The following GMDS variants were observed in gnomAD, a reference collection of about 807,000 sequenced individuals.
The protein encoded by GMDS is GDP-mannose 4,6 dehydratase.
GMDS carries 20 observed loss-of-function variants against 49.9 expected under a neutral mutation model. The ratio of observed to expected loss-of-function variants is 0.40; its 90% CI spans 0.28 to 0.58. The LOEUF is 0.58. GMDS is among the 20% of genes least tolerant of loss of function. GMDS has a pLI of 0.42. For missense variants in GMDS, 362 were observed against 481.4 expected, an observed-to-expected ratio of 0.75 and a Z score of 2.32; for synonymous variants, 177 against 178.6, an observed-to-expected ratio of 0.99 and a Z score of 0.07.
chr6:2,031,312 CTCAT>C, intron 4 of GMDS, among the ~76,000 whole-genome samples: 1 of 152,280 alleles, frequency 6.6e-6, no homozygotes, highest in Middle Eastern at 3.4e-3. Context: ...TGGAAATTCA[CTCAT>C]TCAATCAGTT....
intron 1 of GMDS, among the ~76,000 whole-genome samples, chr6:2,167,828 G>GTA (rs1418698108): frequency 2.0e-5 from 3 of 151,954 alleles, no homozygotes; most frequent in African/African-American, 7.3e-5. Flanking sequence ...CCACTAAATC[G>GTA]TATATATATA....
At chr6:2,023,235 C>G (rs1051494165) in intron 4 of GMDS, among the ~76,000 whole-genome samples, 4 of 152,210 alleles carry the variant, frequency 2.6e-5, no homozygotes, top group African/African-American at 9.6e-5. Context: ...TCAAATTAAA[C>G]TTATTTATAG....
intron 1 of GMDS, among the ~76,000 whole-genome samples, chr6:2,169,889 G>T (rs1439625094): frequency 6.6e-6 from 1 of 151,936 alleles, no homozygotes; most frequent in Non-Finnish European, 1.5e-5. Context: ...GATTCAGAAG[G>T]TGCTATCTGG....
intron 1 of GMDS, among the ~76,000 whole-genome samples, chr6:2,209,628 G>C (rs955304125): frequency 6.8e-6 from 1 of 147,774 alleles, no homozygotes; most frequent in African/African-American, 2.5e-5. Flanking sequence ...CTCTCTCTCT[G>C]GACTGAATTC....
chr6:1,753,010 A>C (rs574590811), intron 7 of GMDS, among the ~76,000 whole-genome samples: 1 of 152,364 alleles, frequency 6.6e-6, no homozygotes, highest in Admixed American at 6.5e-5. Flanking sequence ...CATCATAATG[A>C]CAGGATCAAA....
chr6:2,209,225 C>CT (rs1257778481), intron 1 of GMDS, among the ~76,000 whole-genome samples: 1 of 152,172 alleles, frequency 6.6e-6, no homozygotes, highest in African/African-American at 2.4e-5. Context: ...CCAAAATACA[C>CT]TTGGTTGAAA....
chr6:1,682,560 A>ATT (rs1199208514), intron 9 of GMDS, among the ~76,000 whole-genome samples: 4 of 24,312 alleles, frequency 1.6e-4, no homozygotes, highest in Non-Finnish European at 4.1e-4. Flanking sequence ...ATGGCCTTTC[A>ATT]TTTTTTTTTT....
chr6:2,088,923 A>G (rs1562043935), intron 4 of GMDS, among the ~76,000 whole-genome samples: 1 of 152,208 alleles, frequency 6.6e-6, no homozygotes, highest in Non-Finnish European at 1.5e-5. Flanking sequence ...TAGAGGCAAC[A>G]TGTGCCAAGG....
At chr6:2,188,642 T>A (rs968134294) in intron 1 of GMDS, among the ~76,000 whole-genome samples, 1 of 152,224 alleles carries the variant, frequency 6.6e-6, no homozygotes, top group Non-Finnish European at 1.5e-5. Context: ...GATATCAAGA[T>A]GACAAGTCTT....
intron 2 of GMDS, among the ~76,000 whole-genome samples, chr6:2,121,205 T>C (rs984763943): frequency 6.6e-6 from 1 of 152,214 alleles, no homozygotes; most frequent in Non-Finnish European, 1.5e-5. Flanking sequence ...TCCACCCCTC[T>C]GGCTCTGTAC....
chr6:2,023,156 A>T (rs1157091818), intron 4 of GMDS, among the ~76,000 whole-genome samples: 1 of 152,176 alleles, frequency 6.6e-6, no homozygotes, highest in Non-Finnish European at 1.5e-5. Flanking sequence ...CTATAGGAAA[A>T]CTATATTCAA....
chr6:1,734,517 A>G (rs1481901168), intron 8 of GMDS, among the ~76,000 whole-genome samples: 1 of 152,228 alleles, frequency 6.6e-6, no homozygotes, highest in East Asian at 1.9e-4. Context: ...TGGAGCCAAG[A>G]CTGCCAAGCC....
chr6:1,684,081 C>T (rs1764888829), intron 9 of GMDS, among the ~76,000 whole-genome samples: 8 of 151,580 alleles, frequency 5.3e-5, no homozygotes, highest in Admixed American at 2.0e-4. Flanking sequence ...GACCTGGATC[C>T]GCCCTCTATC....
chr6:1,929,936 C>T (rs1459479883), intron 7 of GMDS, among the ~76,000 whole-genome samples, 167 bp downstream of exon 7: 1 of 152,180 alleles, frequency 6.6e-6, no homozygotes, highest in Non-Finnish European at 1.5e-5. Context: ...ACCACCAATC[C>T]CTGAACGACT....
chr6:2,164,598 A>G (rs1436665217), intron 1 of GMDS, among the ~76,000 whole-genome samples: 1 of 152,204 alleles, frequency 6.6e-6, no homozygotes, highest in Non-Finnish European at 1.5e-5. Flanking sequence ...CCCCAGCTTC[A>G]TCAGGATCTT....
At chr6:1,999,925 TATATATTA>T (rs1253663829) in intron 4 of GMDS, among the ~76,000 whole-genome samples, 11 of 85,500 alleles carry the variant, frequency 1.3e-4, no homozygotes, top group South Asian at 3.4e-4. Flanking sequence ...ATATACATAT[TATATATTA>T]TTATATATAA....
chr6:2,011,686 G>A (rs1296448935), intron 4 of GMDS, among the ~76,000 whole-genome samples: 1 of 152,226 alleles, frequency 6.6e-6, no homozygotes, highest in East Asian at 1.9e-4. Flanking sequence ...GGCTGAGGTG[G>A]AAGGATTTGC....
chr6:1,810,773 G>GAT (rs1289346921), intron 7 of GMDS, among the ~76,000 whole-genome samples: 1 of 152,206 alleles, frequency 6.6e-6, no homozygotes, highest in Non-Finnish European at 1.5e-5. Context: ...GGCGAGATCA[G>GAT]ATTGGCATTT....
intron 7 of GMDS, among the ~76,000 whole-genome samples, chr6:1,789,098 G>A (rs1769426180): frequency 6.6e-6 from 1 of 152,228 alleles, no homozygotes; most frequent in Non-Finnish European, 1.5e-5. Context: ...TTATTAGAAA[G>A]GATACAACTC....
Sources: allele counts gnomAD v4.1 joint callset (sites outside exome capture counted in the v4.1 genomes callset), GRCh38; gene constraint gnomAD v4.1.1; transcripts MANE v1.5; gene names NCBI Gene and HGNC (gene_info 2026-07-23, HGNC 2026-07-21).